The following C9orf78 variants were observed in gnomAD, a reference collection of about 807,000 sequenced individuals.
C9orf78 encodes chromosome 9 open reading frame 78.
A neutral mutation model predicts 37.4 loss-of-function variants in C9orf78; 19 were observed. The observed-to-expected ratio is 0.51, with a 90% CI of 0.35 to 0.74. The LOEUF (loss-of-function observed/expected upper bound fraction) is 0.74. Ranked by LOEUF, C9orf78 falls within the 30% of genes least tolerant of loss-of-function variation. The pLI, the probability that C9orf78 is intolerant of heterozygous loss-of-function variation, is 0.01. For missense variants in C9orf78, 291 were observed against 370.8 expected (o/e 0.78, Z 1.77); for synonymous variants, 130 against 128.0 (o/e 1.02, Z -0.10).
At position 129,835,231 on chromosome 9, in the gene C9orf78, G is replaced by C. The variant is rs201895521; in HGVS notation, c.-10C>G. 2.5e-6 allele frequency: 4 copies of C among 1,600,840 alleles called. No individual in the cohort carries two copies. Among genetic ancestry groups the C allele is most frequent in the Non-Finnish European group, 2.6e-6 (3 of 1,173,696 alleles). On this transcript the variant is annotated 5_prime_UTR_variant, in exon 1 of 9. Transcript: ENST00000372447. ...TCCGGACGACCGGCATGGTGACAACGGCCGAGTTGTACAGCCGCCGCGCCT... is the reference window on the plus strand; with the variant it reads ...TCCGGACGACCGGCATGGTGACAACCGCCGAGTTGTACAGCCGCCGCGCCT...
chr9:129,835,003 C>G lies in C9orf78; in HGVS notation c.83+136G>C, dbSNP rs552763768. The G allele has an allele frequency of 1.8e-4, 139 of 787,356 alleles. 1 individual carries two copies. The South Asian group carries it at 2.1e-3, about 12-fold the overall frequency. 48.8% of individuals were successfully genotyped at this position (787,356 alleles called of 1,614,324 possible). ...GGGGCGGTGGCCTCACCCCTTGAGC[C>G]TCAATTTCTGCGTCCGCAGAAGGAA... is the stretch of plus-strand genomic sequence containing the variant. On this transcript the variant is annotated intron_variant, in intron 1 of 8. Transcript: ENST00000372447.
At position 129,828,100 on chromosome 9, in the gene C9orf78, C is replaced by G; in HGVS notation, c.*61G>C. The G allele has an allele frequency of 2.0e-6, 2 of 1,024,308 alleles. No homozygotes were observed. The highest frequency in any genetic ancestry group is 3.0e-6 in the Non-Finnish European group (2 of 658,946). 63.5% of individuals were successfully genotyped at this position (1,024,308 alleles called of 1,614,324 possible). ...GAGCCACCACGCCCGGCCAGGAAGC[C>G]ATTTTTCATGGGAGGGATATAGGGA... On this transcript the variant is annotated 3_prime_UTR_variant, in exon 9 of 9. Coordinates refer to ENST00000372447, the MANE Select transcript of C9orf78 (RefSeq NM_016520.3).
At chr9:129,832,211 C>T (rs1448661525) in intron 4 of C9orf78, among the ~76,000 whole-genome samples, 3 of 152,106 alleles carry the variant, frequency 2.0e-5, no homozygotes, top group Admixed American at 2.0e-4. Context: ...CCTTAGGTAT[C>T]CATGGGGGAT....
intron 2 of C9orf78, chr9:129,834,144 G>T: frequency 5.0e-6 from 1 of 201,306 alleles, no homozygotes; most frequent in Admixed American, 5.4e-5. Flanking sequence ...GGAATATTAT[G>T]CAGCCATTAA....
rs1218682808 is a variant in C9orf78, at chr9:129,827,605, T to C, written c.*556A>G. 1.3e-5 allele frequency: 2 copies of C among 152,278 alleles called. No individual in the cohort carries two copies. The highest frequency in any genetic ancestry group is 3.8e-4 in the East Asian group (2 of 5,210). 9.4% of individuals were successfully genotyped at this position (152,278 alleles called of 1,614,324 possible). A position where few individuals can be genotyped will look rare whatever the true frequency, so the allele number is the denominator to read the frequency against. On this transcript the variant is annotated 3_prime_UTR_variant, in exon 9 of 9. Transcript: ENST00000372447. ...TATATTTACAAACAAGATTTAATAA[T>C]GCTCACAAGAATAGAGTTTGCCCCC... is the stretch of plus-strand genomic sequence containing the variant.
intron 4 of C9orf78, among the ~76,000 whole-genome samples, chr9:129,833,064 C>CAT (rs1203565930): frequency 2.0e-5 from 2 of 99,498 alleles, no homozygotes; most frequent in Non-Finnish European, 4.6e-5. Context: ...TATGTGTGTA[C>CAT]ATATGTGTGT....
chr9:129,832,980 T>C (rs1463204528), intron 4 of C9orf78, among the ~76,000 whole-genome samples: 2 of 141,886 alleles, frequency 1.4e-5, no homozygotes, highest in African/African-American at 5.2e-5. Context: ...TATATATGCG[T>C]GTGTGTATAT....
intron 8 of C9orf78, chr9:129,828,581 A>G (rs45562032): frequency 0.24 from 56,665 of 240,818 alleles, 6,834 homozygotes; most frequent in South Asian, 0.26. Context: ...CTGCCACCTC[A>G]CCTGGCTAAT....
intron 8 of C9orf78, chr9:129,828,836 T>G (rs1173139157): frequency 2.5e-5 from 9 of 364,676 alleles, no homozygotes; most frequent in Middle Eastern, 9.2e-4. Context: ...TCTCAAGCAA[T>G]CCTCCTGTCC....
At chr9:129,833,063 A>G (rs1241785252) in intron 4 of C9orf78, among the ~76,000 whole-genome samples, 1 of 112,680 alleles carries the variant, frequency 8.9e-6, no homozygotes, top group Admixed American at 9.3e-5. Flanking sequence ...ATATGTGTGT[A>G]CATATGTGTG....
At chr9:129,828,970 TGA>T (rs768746773) in intron 8 of C9orf78, 16 of 611,906 alleles carry the variant, frequency 2.6e-5, no homozygotes, top group Middle Eastern at 2.6e-4. Context: ...CGTGAGAATA[TGA>T]GAGAGTATGA....
At chr9:129,831,807 T>C (rs2031504899) in intron 5 of C9orf78, 89 bp downstream of exon 5, 1 of 772,818 alleles carries the variant, frequency 1.3e-6, no homozygotes, top group Non-Finnish European at 2.4e-6. Context: ...TTCTAGAAAA[T>C]TCTAGAAATG....
In C9orf78 at chr9:129,827,718, G is replaced by A. The variant is rs891927016; in HGVS notation, c.*443C>T. ...GCAGGTAAGTAGAAGGACTAACAGGGTCTGTTTCTGGAACTGTCCGCCAGC... is the reference window on the plus strand; with the variant it reads ...GCAGGTAAGTAGAAGGACTAACAGGATCTGTTTCTGGAACTGTCCGCCAGC... On this transcript the variant is annotated 3_prime_UTR_variant, in exon 9 of 9. Coordinates refer to ENST00000372447, the MANE Select transcript of C9orf78 (RefSeq NM_016520.3). The A allele has an allele frequency of 6.6e-6, 1 of 151,988 alleles. No individual in the cohort carries two copies. Among genetic ancestry groups the A allele is most frequent in the African/African-American group, 2.4e-5 (1 of 41,222 alleles). 9.4% of individuals were successfully genotyped at this position (151,988 alleles called of 1,614,324 possible). A position where few individuals can be genotyped will look rare whatever the true frequency, so the allele number is the denominator to read the frequency against.
chr9:129,835,078 G>T, intron 1 of C9orf78, 61 bp downstream of exon 1: 3 of 1,275,200 alleles, frequency 2.4e-6, no homozygotes, highest in Non-Finnish European at 2.3e-6. Flanking sequence ...CCGAGCCGGT[G>T]GTGAGTCCCC....
chr9:129,833,972 T>A, intron 2 of C9orf78: 1 of 450,152 alleles, frequency 2.2e-6, no homozygotes, highest in Non-Finnish European at 4.0e-6. Context: ...TATCTTGGCC[T>A]GGAAATCTCA....
chr9:129,833,484 C>G lies in C9orf78; in HGVS notation c.229G>C (p.Val77Leu). ...CTTTCCTTCAGTTTCTTCATATCCA[C>G]CATACCACCTGTCTTCATCTGAAAG... ...DPFQMKTGGM[V>L]DMKKLKERGK... The change falls in exon 4 of 9, where the codon GTG becomes CTG. Residue 77 changes from valine to leucine, a missense_variant. Val to Leu is a conservative substitution (Grantham distance 32, BLOSUM62 1). Transcript: ENST00000372447. The G allele has an allele frequency of 6.2e-7, 1 of 1,606,382 alleles. No individual in the cohort carries two copies.
intron 3 of C9orf78, 26 bp from the exon 4 acceptor site, chr9:129,833,543 G>A (rs1233854341): frequency 3.9e-6 from 6 of 1,555,286 alleles, no homozygotes; most frequent in Non-Finnish European, 5.3e-6. Context: ...ACAGTTAAGA[G>A]GAAGCATCTA....
At chr9:129,832,646 T>C (rs1045720079) in intron 4 of C9orf78, among the ~76,000 whole-genome samples, 9 of 152,028 alleles carry the variant, frequency 5.9e-5, no homozygotes, top group African/African-American at 2.2e-4. Flanking sequence ...ACCATGTTGG[T>C]CAGGCTGGTC....
chr9:129,828,683 A>C (rs2031409063), intron 8 of C9orf78: 1 of 223,690 alleles, frequency 4.5e-6, no homozygotes, highest in Non-Finnish European at 9.0e-6. Flanking sequence ...TCTGCCTCCC[A>C]AAGTGCTGGG....
Sources: gnomAD v4.1 joint callset for allele counts (sites outside exome capture counted in the v4.1 genomes callset) on GRCh38, gnomAD v4.1.1 for gene constraint, MANE v1.5 for transcripts, NCBI Gene and HGNC (gene_info 2026-07-23, HGNC 2026-07-21) for gene names.